The following KDM4B variants were observed in gnomAD, a reference collection of about 807,000 sequenced individuals.
The protein encoded by KDM4B is lysine-specific demethylase 4B.
Under a neutral mutation model 125.2 loss-of-function variants are expected in KDM4B, and 32 were observed. The observed-to-expected ratio is 0.26, with a 90% CI of 0.19 to 0.34. KDM4B has a LOEUF of 0.34. Among genes scored for constraint, KDM4B ranks in the 10% least tolerant of loss-of-function variants. KDM4B has a pLI of 1.00. For missense variants in KDM4B, 1,190 were observed against 1,577.7 expected (o/e 0.75, Z 4.16); for synonymous variants, 721 against 677.9 (o/e 1.06, Z -0.99).
At chr19:5,098,837 C>G (rs1045104153) in intron 9 of KDM4B, among the ~76,000 whole-genome samples, 6 of 152,130 alleles carry the variant, frequency 3.9e-5, no homozygotes, top group Non-Finnish European at 5.9e-5. Context: ...CTGCCAGTGC[C>G]CTGATCTTGG....
intron 6 of KDM4B, among the ~76,000 whole-genome samples, chr19:5,058,845 T>A (rs1294043716): frequency 6.6e-6 from 1 of 152,168 alleles, no homozygotes; most frequent in African/African-American, 2.4e-5. Flanking sequence ...CAAACAAACC[T>A]GGCGCCCGCT....
At chr19:5,036,206 T>C (rs1408089304) in intron 3 of KDM4B, among the ~76,000 whole-genome samples, 1 of 152,170 alleles carries the variant, frequency 6.6e-6, no homozygotes, top group African/African-American at 2.4e-5. Flanking sequence ...GACCACTGTG[T>C]GTGTGCGTGC....
chr19:5,104,219 C>T (rs1223453145), intron 9 of KDM4B, among the ~76,000 whole-genome samples: 1 of 152,196 alleles, frequency 6.6e-6, no homozygotes, highest in Admixed American at 6.5e-5. Flanking sequence ...CGTGCCAGCA[C>T]AGCTCCTGGG....
intron 1 of KDM4B, among the ~76,000 whole-genome samples, chr19:5,009,397 A>G (rs2145480381): frequency 6.6e-6 from 1 of 152,316 alleles, no homozygotes; most frequent in South Asian, 2.1e-4. Flanking sequence ...ACTTGAATTC[A>G]GCAGGTTTGG....
chr19:5,017,391 C>G (rs1599422042), intron 2 of KDM4B, among the ~76,000 whole-genome samples: 1 of 152,226 alleles, frequency 6.6e-6, no homozygotes, highest in Non-Finnish European at 1.5e-5. Context: ...GAGCATTGTC[C>G]CTGGTTGCCT....
intron 1 of KDM4B, among the ~76,000 whole-genome samples, chr19:5,005,392 C>A (rs746752205): frequency 8.5e-5 from 13 of 152,160 alleles, no homozygotes; most frequent in Non-Finnish European, 1.8e-4. Context: ...TGTGACCTGT[C>A]GTGTCATTGG....
chr19:4,977,123 C>A (rs1362859008), intron 1 of KDM4B, among the ~76,000 whole-genome samples: 1 of 151,930 alleles, frequency 6.6e-6, no homozygotes, highest in East Asian at 1.9e-4. Context: ...CTTTCTTTAT[C>A]CACCTCAGTG....
chr19:5,119,587 A>T lies in KDM4B; in HGVS notation c.1116-66A>T, dbSNP rs2039322471. 2.1e-6 allele frequency: 3 copies of T among 1,435,684 alleles called. No individual in the cohort carries two copies. In the South Asian group the frequency reaches 3.7e-5, roughly 18 times the overall value. 88.9% of individuals were successfully genotyped at this position (1,435,684 alleles called of 1,614,324 possible). A position where few individuals can be genotyped will look rare whatever the true frequency, so the allele number is the denominator to read the frequency against. On this transcript the variant is annotated intron_variant, in intron 10 of 22. Coordinates refer to ENST00000159111, the MANE Select transcript of KDM4B (RefSeq NM_015015.3). Reference sequence around the variant, plus strand: ...GCGGGGGCTGCGTGCTGCCGGACAGAGTGCACAGACCTAGGGCTCTTCCCT... The same window carrying T: ...GCGGGGGCTGCGTGCTGCCGGACAGTGTGCACAGACCTAGGGCTCTTCCCT...
chr19:5,017,489 A>T (rs886525030), intron 2 of KDM4B, among the ~76,000 whole-genome samples: 1 of 152,056 alleles, frequency 6.6e-6, no homozygotes, highest in African/African-American at 2.4e-5. Context: ...CTGTGCAGAA[A>T]ACCATGCGCC....
At chr19:5,072,155 G>T (rs183712392) in intron 7 of KDM4B, among the ~76,000 whole-genome samples, 1 of 152,116 alleles carries the variant, frequency 6.6e-6, no homozygotes, top group African/African-American at 2.4e-5. Context: ...CCAAACCTTC[G>T]AGCCAAAGGA....
intron 9 of KDM4B, among the ~76,000 whole-genome samples, chr19:5,083,183 G>A (rs920825729): frequency 2.0e-5 from 3 of 152,200 alleles, no homozygotes; most frequent in Admixed American, 1.3e-4. Context: ...TGAACTGAGC[G>A]CTTGTTCCCC....
At chr19:5,126,957 C>A (rs780445360) in intron 11 of KDM4B, among the ~76,000 whole-genome samples, 2 of 152,216 alleles carry the variant, frequency 1.3e-5, no homozygotes, top group African/African-American at 2.4e-5. Context: ...GGTTTCTTGC[C>A]CCCTCCACAG....
intron 1 of KDM4B, among the ~76,000 whole-genome samples, chr19:5,006,107 G>C (rs1298291558): frequency 1.3e-5 from 2 of 152,076 alleles, no homozygotes; most frequent in African/African-American, 4.8e-5. Flanking sequence ...GGTGGCGGCG[G>C]CAGGGAGCCA....
chr19:5,111,718 C>T, intron 10 of KDM4B: 1 of 760,050 alleles, frequency 1.3e-6, no homozygotes, highest in Non-Finnish European at 2.4e-6. Flanking sequence ...GTGGGCTCAG[C>T]CAACTCCTCC....
intron 6 of KDM4B, among the ~76,000 whole-genome samples, chr19:5,066,850 C>T (rs1172041716): frequency 3.3e-5 from 5 of 152,270 alleles, no homozygotes; most frequent in East Asian, 1.9e-4. Context: ...GGAGTGGGTA[C>T]GGGGGGCAGA....
rs868119033 is a variant in KDM4B, at chr19:5,024,050, C to T, written c.-26+7711C>T. 4.6e-5 allele frequency among the ~76,000 whole-genome samples: 7 copies of T among 152,200 alleles called. No homozygotes were observed. In the South Asian group the frequency reaches 1.0e-3, roughly 23 times the overall value. On this transcript the variant is annotated intron_variant, in intron 2 of 22. Coordinates refer to ENST00000159111, the MANE Select transcript of KDM4B (RefSeq NM_015015.3). ...ACAGGCGTGAGCCCCTGCCCCTGGC[C>T]TTCTTATTTTTAAACCGATTCTTTG... is the stretch of plus-strand genomic sequence containing the variant.
intron 10 of KDM4B, among the ~76,000 whole-genome samples, chr19:5,116,798 A>C (rs2039264912): frequency 6.6e-6 from 1 of 152,164 alleles, no homozygotes; most frequent in African/African-American, 2.4e-5. Flanking sequence ...GGGGCATAAA[A>C]GCGTAAACGT....
chr19:5,123,072 A>G (rs2039390004), intron 11 of KDM4B, among the ~76,000 whole-genome samples: 1 of 152,200 alleles, frequency 6.6e-6, no homozygotes, highest in Admixed American at 6.5e-5. Flanking sequence ...AGGCAAACTA[A>G]CCAACCTCCA....
At chr19:5,042,688 G>C (rs770772251) in intron 5 of KDM4B, among the ~76,000 whole-genome samples, 1 of 151,546 alleles carries the variant, frequency 6.6e-6, no homozygotes, top group Admixed American at 6.6e-5. Context: ...GTGAGGGGGG[G>C]GGCGCCGTAG....
Sources: gnomAD v4.1 joint callset for allele counts (sites outside exome capture counted in the v4.1 genomes callset) on GRCh38, gnomAD v4.1.1 for gene constraint, MANE v1.5 for transcripts, NCBI Gene and HGNC (gene_info 2026-07-23, HGNC 2026-07-21) for gene names.